The following KIF5C variants were observed in gnomAD, a reference collection of about 807,000 sequenced individuals.
The protein encoded by KIF5C is kinesin family member 5C.
KIF5C carries 18 observed loss-of-function variants against 125.2 expected under a neutral mutation model. The ratio of observed to expected loss-of-function variants is 0.14; its 90% CI spans 0.10 to 0.21. The LOEUF is 0.21. Ranked by LOEUF, KIF5C falls within the 10% of genes least tolerant of loss-of-function variation. The pLI is 1.00. For synonymous variants in KIF5C, 405 were observed against 434.0 expected (o/e 0.93, Z 0.83); for missense variants, 780 against 1,183.8 (o/e 0.66, Z 5.01).
chr2:148,927,018 A>C (rs1216677893), intron 2 of KIF5C, among the ~76,000 whole-genome samples: 2 of 152,174 alleles, frequency 1.3e-5, no homozygotes, highest in Non-Finnish European at 2.9e-5. Flanking sequence ...AATAGTGTTC[A>C]GTGACGAAAT....
At chr2:149,021,055 G>C (rs1397555529) in intron 25 of KIF5C, among the ~76,000 whole-genome samples, 1 of 151,950 alleles carries the variant, frequency 6.6e-6, no homozygotes, top group Non-Finnish European at 1.5e-5. Flanking sequence ...GTGAAGAGGT[G>C]GTTTTGTTTT....
intron 11 of KIF5C, among the ~76,000 whole-genome samples, chr2:148,969,354 C>T (rs1023309246): frequency 4.6e-5 from 7 of 150,976 alleles, no homozygotes; most frequent in African/African-American, 1.7e-4. Flanking sequence ...TCTTTTTAGT[C>T]CTTAAAGGTA....
In KIF5C at chr2:148,929,281, A is replaced by G; in HGVS notation, c.218A>G (p.Asp73Gly). Reference sequence around the variant, plus strand: ...TTTAATTTCTTTTTCTTGTTCACAGATGTCCTTGAAGGTTATAACGGGACG... The same window carrying G: ...TTTAATTTCTTTTTCTTGTTCACAGGTGTCCTTGAAGGTTATAACGGGACG... ...YNACAKQIVK[D>G]VLEGYNGTIF... The change falls in exon 3 of 26, where the codon GAT becomes GGT. Residue 73 changes from aspartate (D) to glycine (G), a missense_variant and splice_region_variant. By Grantham distance (94) the Asp-to-Gly change is moderately conservative (BLOSUM62 -1). Coordinates refer to ENST00000435030, the MANE Select transcript of KIF5C (RefSeq NM_004522.3). 6.5e-7 allele frequency: 1 copy of G among 1,529,358 alleles called. No homozygotes were observed. Among genetic ancestry groups the G allele is most frequent in the Non-Finnish European group, 8.8e-7 (1 of 1,139,954 alleles). 94.7% of individuals were successfully genotyped at this position (1,529,358 alleles called of 1,614,324 possible). A position where few individuals can be genotyped will look rare whatever the true frequency, so the allele number is the denominator to read the frequency against.
intron 1 of KIF5C, among the ~76,000 whole-genome samples, chr2:148,909,156 G>A (rs928733900): frequency 6.6e-6 from 1 of 152,198 alleles, no homozygotes; most frequent in African/African-American, 2.4e-5. Flanking sequence ...GCAGCACTGG[G>A]CTCTGCCTGG....
At chr2:149,009,349 A>G (rs989963430) in intron 23 of KIF5C, among the ~76,000 whole-genome samples, 4 of 152,194 alleles carry the variant, frequency 2.6e-5, no homozygotes, top group African/African-American at 9.6e-5. Flanking sequence ...ACTCTCTGCC[A>G]GGCACTAGAG....
intron 25 of KIF5C, among the ~76,000 whole-genome samples, chr2:149,019,758 G>T (rs1471724994): frequency 6.6e-6 from 1 of 152,204 alleles, no homozygotes; most frequent in Non-Finnish European, 1.5e-5. Context: ...TGTACTGTTT[G>T]GATTAAGCTT....
chr2:148,928,996 TAA>T (rs1015304355), intron 2 of KIF5C, among the ~76,000 whole-genome samples: 1 of 152,078 alleles, frequency 6.6e-6, no homozygotes, highest in African/African-American at 2.4e-5. Context: ...ATCCTTCTAC[TAA>T]AAAAAAGTTT....
At chr2:148,955,562 A>G (rs1466976122) in intron 10 of KIF5C, among the ~76,000 whole-genome samples, 3 of 152,176 alleles carry the variant, frequency 2.0e-5, no homozygotes, top group Non-Finnish European at 4.4e-5. Context: ...TCAGTTTCTT[A>G]AGTAAATAAA....
intron 1 of KIF5C, among the ~76,000 whole-genome samples, chr2:148,891,755 T>A (rs1053745332): frequency 6.6e-6 from 1 of 152,178 alleles, no homozygotes; most frequent in East Asian, 1.9e-4. Context: ...TGGAGTGCAA[T>A]GGCGTGATCT....
intron 1 of KIF5C, among the ~76,000 whole-genome samples, chr2:148,915,900 G>A (rs1451460701): frequency 6.6e-6 from 1 of 152,138 alleles, no homozygotes; most frequent in African/African-American, 2.4e-5. Context: ...ATGCCTCAGG[G>A]TCACCCCTGC....
intron 1 of KIF5C, chr2:148,886,413 G>C (rs1681528379): frequency 6.6e-6 from 1 of 152,420 alleles, no homozygotes; most frequent in South Asian, 2.1e-4. Flanking sequence ...GAATAGGTTA[G>C]GCTGCAGGAT....
rs1224781321 is a variant in KIF5C at position 149,026,029 on chromosome 2, C to T, written c.*2959C>T. 6.6e-6 allele frequency: 1 copy of T among 152,526 alleles called. No individual in the cohort carries two copies. Among genetic ancestry groups the T allele is most frequent in the African/African-American group, 2.4e-5 (1 of 41,398 alleles). The allele number at this position is 152,526 out of a possible 1,614,324, so 9.4% of individuals were successfully genotyped here. A position where few individuals can be genotyped will look rare whatever the true frequency, so the allele number is the denominator to read the frequency against. Reference sequence around the variant, plus strand: ...TGTAGCATCTAGTGACTTTTTAAAGCCCTAACGTTTACATAAAGAAGCTCT... The same window carrying T: ...TGTAGCATCTAGTGACTTTTTAAAGTCCTAACGTTTACATAAAGAAGCTCT... On this transcript the variant is annotated 3_prime_UTR_variant, in exon 26 of 26. Coordinates refer to ENST00000435030, the MANE Select transcript of KIF5C (RefSeq NM_004522.3).
chr2:148,933,729 C>T (rs1682225355), intron 3 of KIF5C, among the ~76,000 whole-genome samples: 1 of 149,928 alleles, frequency 6.7e-6, no homozygotes, highest in African/African-American at 2.5e-5. Context: ...CACACCACGC[C>T]TCCCACATAC....
At position 148,991,229 on chromosome 2, in the gene KIF5C, C is replaced by T. The variant is rs377153995; in HGVS notation, c.1905+31C>T. 7.4e-4 allele frequency: 1,189 copies of T among 1,603,746 alleles called. 1 individual carries two copies. Among genetic ancestry groups the T allele is most frequent in the Non-Finnish European group, 9.0e-4 (1,052 of 1,174,988 alleles). ...CCCTTCCCTTCCCCATCATTGCACT[C>T]TTGTTGTCTTGAGATCTGCTCCCTC... is the stretch of plus-strand genomic sequence containing the variant. On this transcript the variant is annotated intron_variant, in intron 16 of 25. Transcript: ENST00000435030.
intron 10 of KIF5C, among the ~76,000 whole-genome samples, chr2:148,957,938 T>C (rs61284736): frequency 0.15 from 22,324 of 151,312 alleles, 2,441 homozygotes; most frequent in African/African-American, 0.31. Context: ...TGTCTTTGAA[T>C]TATTTGAAAA....
chr2:148,930,571 G>A (rs541753799), intron 3 of KIF5C, among the ~76,000 whole-genome samples: 4 of 152,226 alleles, frequency 2.6e-5, no homozygotes, highest in Middle Eastern at 3.4e-3. Context: ...CTGCAGAATC[G>A]GTTTAGCTTA....
At chr2:149,009,182 A>G (rs376077365) in intron 23 of KIF5C, among the ~76,000 whole-genome samples, 25 of 151,740 alleles carry the variant, frequency 1.6e-4, no homozygotes, top group South Asian at 6.3e-4. Flanking sequence ...AGTAGAGACA[A>G]GGTTTCACCA....
At chr2:149,010,413 T>C in intron 24 of KIF5C, 62 bp downstream of exon 24, 2 of 1,480,478 alleles carry the variant, frequency 1.4e-6, no homozygotes, top group Non-Finnish European at 1.8e-6. Context: ...CAGCTCAGAT[T>C]TGCTAAAAGG....
At chr2:149,014,467 A>T (rs1682301946) in intron 25 of KIF5C, among the ~76,000 whole-genome samples, 1 of 152,208 alleles carries the variant, frequency 6.6e-6, no homozygotes. Context: ...GTTACAAAAT[A>T]AACAGGCCCC....
Sources: allele counts gnomAD v4.1 joint callset (sites outside exome capture counted in the v4.1 genomes callset), GRCh38; gene constraint gnomAD v4.1.1; transcripts MANE v1.5; gene names NCBI Gene and HGNC (gene_info 2026-07-23, HGNC 2026-07-21).